The following ASIC1 variants were observed in gnomAD, a reference collection of about 807,000 sequenced individuals.
The protein encoded by ASIC1 is acid-sensing ion channel 1.
In ASIC1, 21 loss-of-function variants were observed where a neutral mutation model predicts 63.4. The ratio of observed to expected loss-of-function variants is 0.33; its 90% confidence interval spans 0.23 to 0.48. The LOEUF (loss-of-function observed/expected upper bound fraction) is 0.48. Ranked by LOEUF, ASIC1 falls within the 20% of genes least tolerant of loss-of-function variation. The pLI is 0.99. For missense variants in ASIC1, 478 were observed against 695.5 expected, an observed-to-expected ratio of 0.69 and a Z score of 3.52; for synonymous variants, 258 against 278.2, an observed-to-expected ratio of 0.93 and a Z score of 0.72.
chr12:50,068,980 C>T (rs140491715), intron 3 of ASIC1, among the ~76,000 whole-genome samples: 1 of 152,272 alleles, frequency 6.6e-6, no homozygotes, highest in African/African-American at 2.4e-5. Context: ...ATCACTTGAA[C>T]GCCTTCCATG....
chr12:50,075,598 G>GGTC (rs1432839247), intron 3 of ASIC1, among the ~76,000 whole-genome samples: 3 of 152,226 alleles, frequency 2.0e-5, no homozygotes, highest in Non-Finnish European at 4.4e-5. Context: ...AGTGGGGAGA[G>GGTC]CAGTATGTCT....
chr12:50,073,789 A>C (rs1350454922), intron 3 of ASIC1: 1 of 1,535,936 alleles, frequency 6.5e-7, no homozygotes, highest in Non-Finnish European at 8.7e-7. Context: ...GGCCTTTGCC[A>C]ACAGCTGCAC....
chr12:50,062,719 G>T (rs767555490), intron 3 of ASIC1, among the ~76,000 whole-genome samples: 1 of 152,208 alleles, frequency 6.6e-6, no homozygotes, highest in Non-Finnish European at 1.5e-5. Context: ...GGAGGCATAA[G>T]AAGACAATTC....
chr12:50,058,326 G>A (rs148562757), intron 1 of ASIC1, among the ~76,000 whole-genome samples: 180 of 152,310 alleles, frequency 1.2e-3, no homozygotes, highest in African/African-American at 3.9e-3. Context: ...GGGAATACCC[G>A]TGACCAGGAC....
Position 50,078,114 on chromosome 12 carries a change from G to A in ASIC1, c.824G>A (p.Cys275Tyr). 1.2e-6 allele frequency: 2 copies of A among 1,613,354 alleles called. No individual in the cohort carries two copies. The highest frequency in any genetic ancestry group is 1.7e-6 in the Non-Finnish European group (2 of 1,179,604). The change falls in exon 5 of 12, where the codon TGC becomes TAC. Residue 275 changes from cysteine (C) to tyrosine (Y), a missense_variant. Physicochemically the swap from Cys to Tyr is radical, Grantham distance 194 (BLOSUM62 -2). This residue lies in a region of ASIC1 where 290 missense variants were observed against 414.9 expected (regional missense o/e 0.70). Transcript: ENST00000447966. This position sits in a 1 kb window ranked among gnomAD's most constrained non-coding sequence, Gnocchi z 6.0. ...VAPGFQTFVA[C>Y]QEQRLIYLPP... is the part of the protein sequence containing the mutation. ...CCAGGCTTCCAGACCTTTGTGGCCT[G>A]CCAGGAGCAGCGGGTGAGAGGGCCA... is the stretch of plus-strand genomic sequence containing the variant.
chr12:50,066,811 T>C (rs1950549394), intron 3 of ASIC1, among the ~76,000 whole-genome samples: 1 of 152,150 alleles, frequency 6.6e-6, no homozygotes, highest in Admixed American at 6.5e-5. Flanking sequence ...ACTGAGAAAA[T>C]AGAAGCCTCA....
At chr12:50,080,374 T>G in intron 8 of ASIC1, 124 bp from the exon 9 acceptor site, 1 of 960,134 alleles carries the variant, frequency 1.0e-6, no homozygotes, top group Non-Finnish European at 1.6e-6. Context: ...GGTATCTCCA[T>G]CAGCATCTCA....
chr12:50,073,758 GCATTCACC>G lies in ASIC1; in HGVS notation c.559-3451_559-3444del, dbSNP rs1565729677. 3.9e-6 allele frequency: 6 copies of G among 1,536,164 alleles called. No individual in the cohort carries two copies. The South Asian group carries it at 7.1e-5, about 18-fold the overall frequency. On this transcript the variant is annotated intron_variant, in intron 3 of 11. Coordinates refer to ENST00000447966, the MANE Select transcript of ASIC1 (RefSeq NM_001095.4). ...CAGTGAGGAAGGAGGCCAGTGAGGG[GCATTCACC>G]CATGGACTTGGTGGCCTTTGCCAAC...
rs151281796 is a variant in ASIC1 at position 50,068,604 on chromosome 12, A to G, written c.559-8609A>G. Among the ~76,000 whole-genome samples the G allele has an allele frequency of 3.1e-3, 470 of 151,702 alleles. 2 individuals are homozygous for G. Among genetic ancestry groups the G allele is most frequent in the African/African-American group, 0.011 (447 of 41,276 alleles). ...CTCTTAGCATCAGCTCCAGTCGCCA[A>G]TTTTCCCACTTAACGTCTCTACTTG... On this transcript the variant is annotated intron_variant, in intron 3 of 11. Transcript: ENST00000447966.
rs557378296 is a variant in ASIC1, at chr12:50,073,156, G to A, written c.559-4057G>A. Among the ~76,000 whole-genome samples, 3 of 152,244 alleles carry A rather than the reference G, an allele frequency of 2.0e-5. No homozygotes were observed. The East Asian group carries it at 5.8e-4, about 29-fold the overall frequency. On this transcript the variant is annotated intron_variant, in intron 3 of 11. Coordinates refer to ENST00000447966, the MANE Select transcript of ASIC1 (RefSeq NM_001095.4). ...TGTGGTCGCTGTGATCATCATGGCA[G>A]TGGGTGCAAAGGATGGTGCTAGGTC...
intron 4 of ASIC1, among the ~76,000 whole-genome samples, chr12:50,077,597 C>T (rs1045852655): frequency 3.3e-5 from 5 of 151,908 alleles, no homozygotes; most frequent in African/African-American, 9.7e-5. Context: ...CCATCAACGC[C>T]GCCGCCACTC....
intron 3 of ASIC1, among the ~76,000 whole-genome samples, chr12:50,061,806 A>G (rs1045798556): frequency 6.6e-6 from 1 of 152,216 alleles, no homozygotes; most frequent in East Asian, 1.9e-4. Flanking sequence ...GTTGATGGTA[A>G]TGGAGACACT....
Position 50,059,634 on chromosome 12 carries a change from A to C in ASIC1, c.363-125A>C. 1 of 993,314 alleles carries C rather than the reference A, an allele frequency of 1.0e-6. No individual in the cohort carries two copies. The highest frequency in any genetic ancestry group is 1.7e-5 in the South Asian group (1 of 60,192). 61.5% of individuals were successfully genotyped at this position (993,314 alleles called of 1,614,324 possible). ...CATGTGGTAGAGCCTCTGCATGCCC[A>C]GCTCTCCTTCCTTGCCTACACCTGG... On this transcript the variant is annotated intron_variant, in intron 2 of 11. Transcript: ENST00000447966. The surrounding 1 kb of genome is among the most constrained non-coding windows in gnomAD (Gnocchi z 4.6).
At chr12:50,065,184 C>T (rs1404492774) in intron 3 of ASIC1, among the ~76,000 whole-genome samples, 1 of 152,188 alleles carries the variant, frequency 6.6e-6, no homozygotes, top group Admixed American at 6.5e-5. Flanking sequence ...CCCACCCCCA[C>T]CCCCAAGCTT....
Position 50,076,157 on chromosome 12 carries a change from G to A in ASIC1, c.559-1056G>A, listed in dbSNP as rs906900358. Among the ~76,000 whole-genome samples the A allele has an allele frequency of 5.3e-5, 8 of 152,228 alleles. No homozygotes were observed. In the East Asian group the frequency reaches 1.5e-3, roughly 29 times the overall value. On this transcript the variant is annotated intron_variant, in intron 3 of 11. Coordinates refer to ENST00000447966, the MANE Select transcript of ASIC1 (RefSeq NM_001095.4). ...ATAATGATGGACCCAAGGGGCTAGG[G>A]GCTGAATGAAACCAAAAAACTGAGT...
chr12:50,060,121 T>G (rs1950487681), intron 3 of ASIC1, among the ~76,000 whole-genome samples, 167 bp downstream of exon 3: 1 of 152,112 alleles, frequency 6.6e-6, no homozygotes, highest in South Asian at 2.1e-4. Context: ...AGGGGCACAT[T>G]TGCACTCACT....
chr12:50,081,740 C>T lies in ASIC1; in HGVS notation c.*91C>T. The T allele has an allele frequency of 8.8e-7, 1 of 1,135,972 alleles. No homozygotes were observed. Among genetic ancestry groups the T allele is most frequent in the Non-Finnish European group, 1.3e-6 (1 of 783,194 alleles). The allele number at this position is 1,135,972 out of a possible 1,614,324, so 70.4% of individuals were successfully genotyped here. On this transcript the variant is annotated 3_prime_UTR_variant, in exon 12 of 12. Transcript: ENST00000447966. ...TGCCTCCTCACATCTGCCCTGGGGA[C>T]TCCCCACACTCCGGGGCAGATCTTT...
chr12:50,081,174 C>T lies in ASIC1; in HGVS notation c.1370C>T (p.Ala457Val). The part of the protein sequence containing the change: ...ILTVLELFDY[A>V]YEVIKHKLCR... Reference sequence around the variant, plus strand: ...ACGGTGCTGGAGCTCTTTGACTACGCCTACGAGGTAAGCGGGGGCGAGGCC... The same window carrying T: ...ACGGTGCTGGAGCTCTTTGACTACGTCTACGAGGTAAGCGGGGGCGAGGCC... The change falls in exon 10 of 12, where the codon GCC becomes GTC. Residue 457 changes from alanine (A) to valine (V), a missense_variant. By Grantham distance (64) the Ala-to-Val change is moderately conservative. Transcript: ENST00000447966. 6.2e-7 allele frequency: 1 copy of T among 1,612,000 alleles called. No homozygotes were observed. Among genetic ancestry groups the T allele is most frequent in the Non-Finnish European group, 8.5e-7 (1 of 1,179,204 alleles).
chr12:50,070,425 G>C (rs909314273), intron 3 of ASIC1, among the ~76,000 whole-genome samples: 3 of 151,780 alleles, frequency 2.0e-5, no homozygotes, highest in Admixed American at 2.0e-4. Context: ...TGTGTGTTGG[G>C]GTGTGTGTGT....
Sources: allele counts gnomAD v4.1 joint callset (sites outside exome capture counted in the v4.1 genomes callset), GRCh38; gene constraint gnomAD v4.1.1; regional missense constraint gnomAD v4.1.1; non-coding constraint Gnocchi (gnomAD v3.1); transcripts MANE v1.5; gene names NCBI Gene and HGNC (gene_info 2026-07-23, HGNC 2026-07-21).